The following EXOC4 variants were observed in gnomAD, a reference collection of about 807,000 sequenced individuals.
The protein encoded by EXOC4 is exocyst complex component 4.
EXOC4 carries 71 observed loss-of-function variants against 107.2 expected under a neutral mutation model. The observed-to-expected ratio is 0.66, with a 90% CI of 0.55 to 0.81. The LOEUF is 0.81. Among genes scored for constraint, EXOC4 ranks in the 30% least tolerant of loss-of-function variants. The probability of loss-of-function intolerance (pLI) is 0.00; values close to 1 mark genes in which losing one functional copy is unlikely to be tolerated. For synonymous variants in EXOC4, 456 were observed against 441.2 expected (o/e 1.03, Z -0.42); for missense variants, 1,108 against 1,189.6 (o/e 0.93, Z 1.01).
At chr7:133,954,189 G>A (rs1052320925) in intron 14 of EXOC4, among the ~76,000 whole-genome samples, 3 of 152,154 alleles carry the variant, frequency 2.0e-5, no homozygotes, top group African/African-American at 7.2e-5. Context: ...TGGCAGAACT[G>A]GCATTGTCAC....
At chr7:133,522,525 C>T (rs182952386) in intron 9 of EXOC4, among the ~76,000 whole-genome samples, 14 of 151,946 alleles carry the variant, frequency 9.2e-5, no homozygotes, top group African/African-American at 2.4e-4. Context: ...TCATATATAG[C>T]GCATTGGGGG....
chr7:133,809,590 G>A (rs1797166265), intron 10 of EXOC4, among the ~76,000 whole-genome samples: 1 of 152,204 alleles, frequency 6.6e-6, no homozygotes, highest in Non-Finnish European at 1.5e-5. Flanking sequence ...CCTGCAAAAT[G>A]CAGAAGTCAT....
chr7:133,704,378 C>T (rs1047407263), intron 10 of EXOC4, among the ~76,000 whole-genome samples: 1 of 152,198 alleles, frequency 6.6e-6, no homozygotes, highest in East Asian at 1.9e-4. Context: ...CATTGTAACA[C>T]CGTAGTCTTC....
At chr7:133,747,859 A>G (rs1455984997) in intron 10 of EXOC4, among the ~76,000 whole-genome samples, 1 of 152,184 alleles carries the variant, frequency 6.6e-6, no homozygotes, top group Non-Finnish European at 1.5e-5. Context: ...ATTCAGCAAG[A>G]AAAACACAAC....
chr7:133,893,493 C>T (rs1311081869), intron 11 of EXOC4, among the ~76,000 whole-genome samples: 1 of 56,052 alleles, frequency 1.8e-5, no homozygotes, highest in Non-Finnish European at 2.9e-5. Context: ...TGATTTTGCT[C>T]GTTAGTTGAT....
chr7:133,784,765 T>G (rs537686278), intron 10 of EXOC4, among the ~76,000 whole-genome samples: 1 of 152,182 alleles, frequency 6.6e-6, no homozygotes, highest in East Asian at 1.9e-4. Flanking sequence ...GCATGGAACA[T>G]AGTGGGAAGA....
intron 10 of EXOC4, among the ~76,000 whole-genome samples, chr7:133,662,738 G>C (rs762321017): frequency 2.6e-5 from 4 of 152,084 alleles, no homozygotes; most frequent in Non-Finnish European, 5.9e-5. Flanking sequence ...GTGTGGGATA[G>C]TATCTGCTTT....
At position 133,880,015 on chromosome 7, in the gene EXOC4, C is replaced by T. The variant is rs554113142; in HGVS notation, c.1735-15584C>T. On this transcript the variant is annotated intron_variant, in intron 11 of 17. Transcript: ENST00000253861. ...CCACACTTGTCTCCTAACTGCTACA[C>T]ATGACCAGCTCATCCTTCATCCCCA... Among the ~76,000 whole-genome samples, 18 of 152,318 alleles carry T rather than the reference C, an allele frequency of 1.2e-4. 1 individual carries two copies. In the South Asian group the frequency reaches 2.7e-3, roughly 23 times the overall value.
At chr7:134,074,343 C>T in the EXOC4 span, among the ~76,000 whole-genome samples, 4 of 152,288 alleles carry the variant, frequency 2.6e-5, no homozygotes, top group African/African-American at 7.2e-5. Flanking sequence ...TTTTCTTTTG[C>T]CCTGAAACAA....
intron 17 of EXOC4, among the ~76,000 whole-genome samples, chr7:134,048,313 C>G (rs1795703034): frequency 6.6e-6 from 1 of 152,180 alleles, no homozygotes; most frequent in South Asian, 2.1e-4. Flanking sequence ...TTTTTTAGTC[C>G]TGCAAAGACA....
At chr7:133,374,522 G>A (rs1444232054) in intron 6 of EXOC4, among the ~76,000 whole-genome samples, 1 of 152,154 alleles carries the variant, frequency 6.6e-6, no homozygotes, top group Non-Finnish European at 1.5e-5. Flanking sequence ...ATTGTAATCC[G>A]TGAACTATGT....
At chr7:133,597,770 G>C (rs963706013) in intron 9 of EXOC4, among the ~76,000 whole-genome samples, 2 of 152,002 alleles carry the variant, frequency 1.3e-5, no homozygotes, top group African/African-American at 4.8e-5. Flanking sequence ...CAGCACTTTG[G>C]GAGGCTGAGG....
At chr7:133,946,875 C>T (rs751053348) in intron 14 of EXOC4, among the ~76,000 whole-genome samples, 1 of 152,202 alleles carries the variant, frequency 6.6e-6, no homozygotes, top group Non-Finnish European at 1.5e-5. Context: ...CTGGTTTTCC[C>T]TTTCCTGTCA....
In EXOC4 at chr7:133,442,103, G is replaced by T. The variant is rs144170861; in HGVS notation, c.1183-33225G>T. 2.9e-4 allele frequency among the ~76,000 whole-genome samples: 44 copies of T among 152,156 alleles called. 1 individual carries two copies. In the East Asian group the frequency reaches 8.1e-3, roughly 28 times the overall value. The stretch of plus-strand genomic sequence containing the variant: ...AATGGCAAACCATTAGAGGTTTTTT[G>T]GTTAGCTTATTTTTTTGTGTATTAT... On this transcript the variant is annotated intron_variant, in intron 7 of 17. Transcript: ENST00000253861.
chr7:133,275,715 T>C (rs1324513900), intron 2 of EXOC4, among the ~76,000 whole-genome samples: 2 of 152,210 alleles, frequency 1.3e-5, no homozygotes, highest in Non-Finnish European at 2.9e-5. Flanking sequence ...GTGACTTGCC[T>C]GCATTTATTG....
chr7:133,253,291 C>A, intron 1 of EXOC4, 104 bp downstream of exon 1: 1 of 1,388,098 alleles, frequency 7.2e-7, no homozygotes, highest in Non-Finnish European at 9.6e-7. Context: ...CTCCCCTTTC[C>A]TCCTTGCCTC....
chr7:133,868,497 G>A (rs1043531875), intron 11 of EXOC4, among the ~76,000 whole-genome samples: 1 of 152,154 alleles, frequency 6.6e-6, no homozygotes, highest in African/African-American at 2.4e-5. Flanking sequence ...TCAGGTTTTT[G>A]CTAGGGTGAA....
chr7:133,492,156 A>G (rs182486057), intron 9 of EXOC4, among the ~76,000 whole-genome samples: 47 of 152,292 alleles, frequency 3.1e-4, no homozygotes, highest in African/African-American at 1.1e-3. Context: ...ATTGAGTGGA[A>G]TGAGAGTGTA....
intron 11 of EXOC4, among the ~76,000 whole-genome samples, chr7:133,830,038 A>G (rs79969143): frequency 0.041 from 6,173 of 152,106 alleles, 439 homozygotes; most frequent in African/African-American, 0.14. Flanking sequence ...TCATATCTGT[A>G]GAGTCCAGAA....
Sources: gnomAD v4.1 joint callset for allele counts (sites outside exome capture counted in the v4.1 genomes callset) on GRCh38, gnomAD v4.1.1 for gene constraint, MANE v1.5 for transcripts, NCBI Gene and HGNC (gene_info 2026-07-23, HGNC 2026-07-21) for gene names.